The following SMC1B variants were observed in gnomAD, a reference collection of about 807,000 sequenced individuals.
SMC1B encodes structural maintenance of chromosomes 1B, also known as structural maintenance of chromosomes protein 1B.
A neutral mutation model predicts 157.9 loss-of-function variants in SMC1B; 60 were observed. The ratio of observed to expected loss-of-function variants is 0.38; its 90% CI spans 0.31 to 0.47. The LOEUF (loss-of-function observed/expected upper bound fraction) is 0.47. Ranked by LOEUF, SMC1B falls within the 20% of genes least tolerant of loss-of-function variation. The pLI is 0.99. For missense variants in SMC1B, 1,165 were observed against 1,426.2 expected (o/e 0.82, Z 2.95); for synonymous variants, 445 against 483.0 (o/e 0.92, Z 1.03).
intron 10 of SMC1B, among the ~76,000 whole-genome samples, chr22:45,388,952 A>C (rs1255386424): frequency 7.3e-6 from 1 of 136,432 alleles, no homozygotes; most frequent in Non-Finnish European, 1.5e-5. Flanking sequence ...GTGCCACTGC[A>C]CTCCAGACTG....
intron 5 of SMC1B, among the ~76,000 whole-genome samples, chr22:45,400,829 T>C (rs1011186093): frequency 6.6e-6 from 1 of 152,206 alleles, no homozygotes; most frequent in East Asian, 1.9e-4. Context: ...GACACTCTGA[T>C]AGAATATAAT....
chr22:45,402,185 T>C (rs573435775), intron 5 of SMC1B, 148 bp downstream of exon 5: 1 of 652,790 alleles, frequency 1.5e-6, no homozygotes, highest in Non-Finnish European at 2.6e-6. Context: ...ACCTGGCCTA[T>C]ACTATCTTTA....
chr22:45,362,801 C>G, intron 16 of SMC1B, 84 bp downstream of exon 16: 1 of 1,163,042 alleles, frequency 8.6e-7, no homozygotes, highest in Non-Finnish European at 1.3e-6. Context: ...TAACAGGACC[C>G]TTCAGGAGCG....
At chr22:45,354,912 A>C in intron 20 of SMC1B, 47 bp downstream of exon 20, 2 of 1,583,330 alleles carry the variant, frequency 1.3e-6, no homozygotes, top group African/African-American at 2.7e-5. Flanking sequence ...TATAGCAATC[A>C]AAACACCCAT....
Position 45,394,873 on chromosome 22 carries a change from A to G in SMC1B, c.1255-106T>C, listed in dbSNP as rs186989565. On this transcript the variant is annotated intron_variant, in intron 7 of 24. Coordinates refer to ENST00000357450, the MANE Select transcript of SMC1B (RefSeq NM_148674.5). ...TTATAAGCTGTTATAAAATTGAAAG[A>G]TATCAAATATAATTATATGAAAACA... 12 of 1,155,406 alleles carry G rather than the reference A, an allele frequency of 1.0e-5. No homozygotes were observed. In the East Asian group the frequency reaches 4.3e-4, roughly 41 times the overall value. The allele number at this position is 1,155,406 out of a possible 1,614,324, so 71.6% of individuals were successfully genotyped here.
At chr22:45,383,432 C>T (rs755940132) in intron 12 of SMC1B, 35 bp downstream of exon 12, 6 of 1,530,260 alleles carry the variant, frequency 3.9e-6, no homozygotes, top group Non-Finnish European at 5.3e-6. Flanking sequence ...AATTATTCTA[C>T]TTAGTATATT....
rs542861719 is a variant in SMC1B, at chr22:45,390,335, A to G, written c.1546-438T>C. 3.9e-4 allele frequency among the ~76,000 whole-genome samples: 59 copies of G among 152,238 alleles called. 1 individual carries two copies. Among genetic ancestry groups the G allele is most frequent in the Middle Eastern group, 6.8e-3 (2 of 294 alleles). On this transcript the variant is annotated intron_variant, in intron 9 of 24. Transcript: ENST00000357450. ...ACATAAATAATCAATAATCACATGT[A>G]TGTACAAAATGGAGCTAGACACTGA...
At chr22:45,378,984 T>C (rs1036792107) in intron 12 of SMC1B, among the ~76,000 whole-genome samples, 38 of 152,204 alleles carry the variant, frequency 2.5e-4, no homozygotes, top group African/African-American at 8.4e-4. Flanking sequence ...TCAGGTTTTT[T>C]TCTTTTTTCT....
intron 23 of SMC1B, among the ~76,000 whole-genome samples, chr22:45,347,474 A>G (rs1476798663): frequency 6.6e-6 from 1 of 152,210 alleles, no homozygotes; most frequent in Non-Finnish European, 1.5e-5. Flanking sequence ...TCAACAGAGT[A>G]AGCAATCAAG....
At chr22:45,365,406 C>G (rs370833825) in intron 15 of SMC1B, among the ~76,000 whole-genome samples, 21 of 152,076 alleles carry the variant, frequency 1.4e-4, no homozygotes, top group Admixed American at 7.2e-4. Context: ...TTAGATCAAT[C>G]TAAAATTTGA....
chr22:45,350,254 CTTTTTT>C (rs66465413), intron 22 of SMC1B, among the ~76,000 whole-genome samples: 1 of 131,358 alleles, frequency 7.6e-6, no homozygotes, highest in African/African-American at 3.3e-5. Flanking sequence ...CTCCTGAGTT[CTTTTTT>C]TTTTTTTTTA....
chr22:45,372,603 T>C (rs2086844511), intron 12 of SMC1B, among the ~76,000 whole-genome samples: 1 of 152,140 alleles, frequency 6.6e-6, no homozygotes, highest in Non-Finnish European at 1.5e-5. Flanking sequence ...ATTGCCTTGT[T>C]TTTAGTGCAT....
intron 6 of SMC1B, among the ~76,000 whole-genome samples, chr22:45,397,406 A>T (rs1343141692): frequency 6.6e-6 from 1 of 152,122 alleles, no homozygotes; most frequent in Non-Finnish European, 1.5e-5. Flanking sequence ...AGACGGGAGG[A>T]TCAATTGAGC....
intron 11 of SMC1B, 77 bp downstream of exon 11, chr22:45,386,790 G>C: frequency 7.9e-7 from 1 of 1,258,358 alleles, no homozygotes; most frequent in Non-Finnish European, 1.1e-6. Flanking sequence ...GTAAATATTT[G>C]TGTGTGTTTG....
rs1369351145 is a variant in SMC1B at position 45,386,887 on chromosome 22, T to G, written c.1891A>C (p.Ser631Arg). The G allele has an allele frequency of 1.2e-6, 2 of 1,613,824 alleles. No individual in the cohort carries two copies. Among genetic ancestry groups the G allele is most frequent in the Non-Finnish European group, 1.7e-6 (2 of 1,179,810 alleles). The change falls in exon 11 of 25, where the codon AGT becomes CGT. Residue 631 changes from serine to arginine, a missense_variant. By Grantham distance (110) the Ser-to-Arg change is moderately radical. Coordinates refer to ENST00000357450, the MANE Select transcript of SMC1B (RefSeq NM_148674.5). ...TMEEARHIALSGPERQKTVAL... is the reference protein window; with the variant it reads ...TMEEARHIALRGPERQKTVAL... ...CTTACTTTCTGTCTTTCAGGTCCAC[T>G]GAGTGCAATATGCCTTGCTTCTTCC...
intron 5 of SMC1B, among the ~76,000 whole-genome samples, chr22:45,401,944 C>T (rs984782255): frequency 2.0e-5 from 3 of 151,784 alleles, no homozygotes; most frequent in African/African-American, 7.3e-5. Context: ...AGTGTAGTGG[C>T]GTGATCTCGG....
intron 1 of SMC1B, among the ~76,000 whole-genome samples, chr22:45,412,400 C>T (rs1251128151): frequency 6.9e-6 from 1 of 145,938 alleles, no homozygotes; most frequent in Non-Finnish European, 1.5e-5. Context: ...AGGGCTTCAC[C>T]ATGTTGGTCA....
At chr22:45,360,000 G>T (rs773874445) in intron 17 of SMC1B, 42 bp from the exon 18 acceptor site, 2 of 1,514,898 alleles carry the variant, frequency 1.3e-6, no homozygotes, top group Non-Finnish European at 1.8e-6. Context: ...TACTCATTAT[G>T]TAACACTGCA....
chr22:45,409,625 T>G (rs532286379), intron 1 of SMC1B, among the ~76,000 whole-genome samples: 13 of 151,542 alleles, frequency 8.6e-5, no homozygotes, highest in African/African-American at 3.1e-4. Flanking sequence ...CAAGAGAAGC[T>G]AACTAAATCC....
Sources: gnomAD v4.1 joint callset for allele counts (sites outside exome capture counted in the v4.1 genomes callset) on GRCh38, gnomAD v4.1.1 for gene constraint, MANE v1.5 for transcripts, NCBI Gene and HGNC (gene_info 2026-07-23, HGNC 2026-07-21) for gene names.